MYO5B: variants seen among roughly 807,000 people sequenced by gnomAD.
The protein encoded by MYO5B is unconventional myosin-Vb.
MYO5B carries 143 observed loss-of-function variants against 229.3 expected under a neutral mutation model. The ratio of observed to expected loss-of-function variants is 0.62; its 90% CI spans 0.54 to 0.72. The LOEUF (loss-of-function observed/expected upper bound fraction) is 0.72, where lower values mean the gene tolerates loss of function less well. Among genes scored for constraint, MYO5B ranks in the 30% least tolerant of loss-of-function variants. The pLI, the probability that MYO5B is intolerant of heterozygous loss-of-function variation, is 0.00. For synonymous variants in MYO5B, 918 were observed against 885.2 expected (o/e 1.04, Z -0.66); for missense variants, 2,321 against 2,331.0 (o/e 1.00, Z 0.09).
chr18:50,145,821 G>A (rs117450346), intron 1 of MYO5B, among the ~76,000 whole-genome samples: 4,612 of 152,216 alleles, frequency 0.03, 101 homozygotes, highest in Non-Finnish European at 0.044. Flanking sequence ...AGAAAAAATG[G>A]ATGGTTTTCC....
At chr18:49,877,256 T>C (rs1474156114) in intron 25 of MYO5B, among the ~76,000 whole-genome samples, 1 of 152,232 alleles carries the variant, frequency 6.6e-6, no homozygotes, top group Non-Finnish European at 1.5e-5. Context: ...ATTTAGTGAC[T>C]GACTAAGAGG....
rs1598834011 is a variant in MYO5B, at chr18:49,853,747, G to T, written c.4023-100C>A. On this transcript the variant is annotated intron_variant, in intron 30 of 39. Coordinates refer to ENST00000285039, the MANE Select transcript of MYO5B (RefSeq NM_001080467.3). The stretch of plus-strand genomic sequence containing the variant: ...TAACAGGGGAGCAGCCAAGCACACA[G>T]CAGCAGCGGTTGCACATCCCCCAGA... 2.7e-6 allele frequency: 3 copies of T among 1,111,762 alleles called. No individual in the cohort carries two copies. The East Asian group carries it at 7.7e-5, about 29-fold the overall frequency. The allele number at this position is 1,111,762 out of a possible 1,614,324, so 68.9% of individuals were successfully genotyped here.
chr18:49,866,711 T>G (rs1245656931), intron 27 of MYO5B, among the ~76,000 whole-genome samples: 4 of 152,208 alleles, frequency 2.6e-5, no homozygotes, highest in Admixed American at 2.6e-4. Flanking sequence ...TCTGCCTTCT[T>G]CAGGCCAGGC....
Position 50,014,037 on chromosome 18 carries a change from C to A in MYO5B, c.456-12626G>T, listed in dbSNP as rs550026606. ...CCAAGTCAGGAATCTTTGACCCCCTCAATTGTGGTCAATTTCTCTAGCTTC... is the reference window on the plus strand; with the variant it reads ...CCAAGTCAGGAATCTTTGACCCCCTAAATTGTGGTCAATTTCTCTAGCTTC... On this transcript the variant is annotated intron_variant, in intron 4 of 39. Transcript: ENST00000285039. Among the ~76,000 whole-genome samples, 35 of 152,272 alleles carry A rather than the reference C, an allele frequency of 2.3e-4. 1 individual carries two copies. Among genetic ancestry groups the A allele is most frequent in the African/African-American group, 7.9e-4 (33 of 41,558 alleles).
At chr18:50,060,164 T>C (rs2030653030) in intron 1 of MYO5B, among the ~76,000 whole-genome samples, 1 of 152,230 alleles carries the variant, frequency 6.6e-6, no homozygotes, top group African/African-American at 2.4e-5. Context: ...GTTAGTTTTA[T>C]ATTATGTAAA....
intron 2 of MYO5B, among the ~76,000 whole-genome samples, chr18:50,053,390 G>A (rs1041860517): frequency 6.6e-6 from 1 of 152,142 alleles, no homozygotes; most frequent in Admixed American, 6.6e-5. Flanking sequence ...CTCTGTTTTA[G>A]CAACATGGCA....
At chr18:49,953,199 T>G in intron 14 of MYO5B, 61 bp downstream of exon 14, 1 of 1,505,176 alleles carries the variant, frequency 6.6e-7, no homozygotes, top group Non-Finnish European at 9.2e-7. Flanking sequence ...GCATCACCAC[T>G]CCCTGTCCAG....
At chr18:50,020,330 C>T (rs987239220) in intron 4 of MYO5B, among the ~76,000 whole-genome samples, 2 of 152,204 alleles carry the variant, frequency 1.3e-5, no homozygotes, top group African/African-American at 4.8e-5. Context: ...CAAGAAAAGG[C>T]CTGGAACAGT....
chr18:49,892,557 G>A (rs142495352), intron 22 of MYO5B, among the ~76,000 whole-genome samples: 3 of 152,230 alleles, frequency 2.0e-5, no homozygotes, highest in African/African-American at 7.2e-5. Flanking sequence ...CATCAATCTC[G>A]CTCAAAGCAG....
At chr18:50,046,095 G>A (rs1410333060) in intron 2 of MYO5B, among the ~76,000 whole-genome samples, 1 of 152,094 alleles carries the variant, frequency 6.6e-6, no homozygotes, top group African/African-American at 2.4e-5. Context: ...AGAAGATCTA[G>A]AAAAAAAGAT....
At chr18:49,927,894 C>T (rs550434904) in intron 17 of MYO5B, among the ~76,000 whole-genome samples, 7 of 152,204 alleles carry the variant, frequency 4.6e-5, no homozygotes, top group South Asian at 4.2e-4. Flanking sequence ...GATAAGTAGA[C>T]GGGACTTAAA....
intron 22 of MYO5B, among the ~76,000 whole-genome samples, chr18:49,890,491 A>C (rs985608234): frequency 6.6e-6 from 1 of 152,246 alleles, no homozygotes; most frequent in Non-Finnish European, 1.5e-5. Flanking sequence ...TGTATCTATG[A>C]GGCTAATACA....
At chr18:50,001,543 C>T (rs1598943651) in intron 4 of MYO5B, 132 bp from the exon 5 acceptor site, 1 of 1,165,586 alleles carries the variant, frequency 8.6e-7, no homozygotes, top group East Asian at 2.4e-5. Context: ...CGCAGAGGAA[C>T]AGTGTAAAAA....
chr18:50,073,453 C>T (rs73446643), intron 1 of MYO5B, among the ~76,000 whole-genome samples: 6,479 of 152,262 alleles, frequency 0.043, 146 homozygotes, highest in African/African-American at 0.053. Flanking sequence ...CTTGACCACA[C>T]TCCTGGCCTT....
At chr18:50,001,144 G>C (rs1045196598) in intron 5 of MYO5B, 111 bp downstream of exon 5, 8 of 1,357,706 alleles carry the variant, frequency 5.9e-6, no homozygotes, top group African/African-American at 5.7e-5. Context: ...AGTGGACAGA[G>C]GGCTCTCAGG....
chr18:49,989,107 A>C (rs978459889), intron 7 of MYO5B, among the ~76,000 whole-genome samples: 79 of 152,264 alleles, frequency 5.2e-4, no homozygotes, highest in African/African-American at 1.9e-3. Flanking sequence ...TAGGACCCAC[A>C]ACTATTTTGC....
chr18:49,845,805 G>C (rs1021325068), intron 33 of MYO5B, among the ~76,000 whole-genome samples: 14 of 152,306 alleles, frequency 9.2e-5, no homozygotes, highest in African/African-American at 3.4e-4. Context: ...GCCTGTGGCA[G>C]ATGGGGCACA....
rs1191167890 is a variant in MYO5B at position 49,824,972 on chromosome 18, T to C, written c.*1499A>G. 3 of 152,202 alleles carry C rather than the reference T, an allele frequency of 2.0e-5. No individual in the cohort carries two copies. The highest frequency in any genetic ancestry group is 4.4e-5 in the Non-Finnish European group (3 of 68,050). The allele number at this position is 152,202 out of a possible 1,614,324, so 9.4% of individuals were successfully genotyped here. On this transcript the variant is annotated 3_prime_UTR_variant, in exon 40 of 40. Coordinates refer to ENST00000285039, the MANE Select transcript of MYO5B (RefSeq NM_001080467.3). ...TGCTCTAAGGGCACAGTGCAGAAGG[T>C]AGCGTGGAGTGTGCTGTGTTTCCAA...
intron 4 of MYO5B, among the ~76,000 whole-genome samples, chr18:50,006,793 A>T (rs2026106577): frequency 1.3e-5 from 2 of 152,128 alleles, no homozygotes; most frequent in African/African-American, 4.8e-5. Flanking sequence ...CACTCTGCTC[A>T]AAGGAGAGGC....
Sources: allele counts gnomAD v4.1 joint callset (sites outside exome capture counted in the v4.1 genomes callset), GRCh38; gene constraint gnomAD v4.1.1; transcripts MANE v1.5; gene names NCBI Gene and HGNC (gene_info 2026-07-23, HGNC 2026-07-21).